The following NR3C2 variants were observed in gnomAD, a reference collection of about 807,000 sequenced individuals.
NR3C2 encodes nuclear receptor subfamily 3 group C member 2.
In NR3C2, 15 loss-of-function variants were observed where a neutral mutation model predicts 86.4. That is an observed-to-expected ratio of 0.17 (90% CI 0.12 to 0.27). The LOEUF is 0.27. Ranked by LOEUF, NR3C2 falls within the 10% of genes least tolerant of loss-of-function variation. NR3C2 has a pLI of 1.00. For synonymous variants in NR3C2, 458 were observed against 450.5 expected (o/e 1.02, Z -0.21); for missense variants, 960 against 1,195.6 (o/e 0.80, Z 2.91).
intron 6 of NR3C2, among the ~76,000 whole-genome samples, chr4:148,125,358 G>A (rs1413193343): frequency 6.6e-6 from 1 of 152,160 alleles, no homozygotes; most frequent in African/African-American, 2.4e-5. Context: ...CCAAGCCCTG[G>A]ATTTATGCAG....
intron 6 of NR3C2, among the ~76,000 whole-genome samples, chr4:148,150,449 A>C (rs1406934392): frequency 6.6e-6 from 1 of 152,238 alleles, no homozygotes; most frequent in Non-Finnish European, 1.5e-5. Context: ...TGTGAGGCGC[A>C]TCATAGCTTT....
intron 7 of NR3C2, among the ~76,000 whole-genome samples, chr4:148,118,349 G>A (rs1050907183): frequency 6.6e-6 from 1 of 152,084 alleles, no homozygotes; most frequent in Non-Finnish European, 1.5e-5. Context: ...CTCTGTGGAG[G>A]CCATGCTGTT....
intron 3 of NR3C2, among the ~76,000 whole-genome samples, chr4:148,216,990 A>T (rs1286429920): frequency 6.6e-6 from 1 of 152,264 alleles, no homozygotes; most frequent in Non-Finnish European, 1.5e-5. Flanking sequence ...GGATAAGCCA[A>T]ACGTGAACTG....
At chr4:148,361,372 T>C (rs188099027) in intron 2 of NR3C2, among the ~76,000 whole-genome samples, 136 of 152,314 alleles carry the variant, frequency 8.9e-4, no homozygotes, top group Admixed American at 1.6e-3. Flanking sequence ...TAATATAATT[T>C]AACATTCTGT....
At chr4:148,432,194 T>C (rs1749827333) in intron 2 of NR3C2, among the ~76,000 whole-genome samples, 1 of 152,178 alleles carries the variant, frequency 6.6e-6, no homozygotes, top group African/African-American at 2.4e-5. Flanking sequence ...TCACACTTAA[T>C]AGAAGACTGC....
chr4:148,172,737 G>A (rs1735192483), intron 4 of NR3C2, among the ~76,000 whole-genome samples: 1 of 152,064 alleles, frequency 6.6e-6, no homozygotes, highest in Non-Finnish European at 1.5e-5. Flanking sequence ...AAGACAAAAG[G>A]ACAATTCTGT....
At chr4:148,093,223 C>T (rs1342288746) in intron 8 of NR3C2, among the ~76,000 whole-genome samples, 2 of 152,160 alleles carry the variant, frequency 1.3e-5, no homozygotes, top group Admixed American at 6.5e-5. Context: ...ACAATGAGGC[C>T]GTGGGGCTCA....
chr4:148,167,671 G>C (rs935634044), intron 4 of NR3C2, among the ~76,000 whole-genome samples: 1 of 152,150 alleles, frequency 6.6e-6, no homozygotes. Flanking sequence ...TGAACCAAGG[G>C]AAAGAAAGAG....
chr4:148,276,147 G>A (rs1375123811), intron 2 of NR3C2, among the ~76,000 whole-genome samples: 1 of 152,128 alleles, frequency 6.6e-6, no homozygotes. Context: ...AACCTTTTAT[G>A]AGAGTCTTAA....
At chr4:148,178,194 G>C (rs552203407) in intron 4 of NR3C2, among the ~76,000 whole-genome samples, 5 of 146,798 alleles carry the variant, frequency 3.4e-5, no homozygotes, top group Admixed American at 2.0e-4. Flanking sequence ...AGCTGGGTGT[G>C]GCGGAGCACG....
At position 148,314,003 on chromosome 4, in the gene NR3C2, C is replaced by G. The variant is rs150562018; in HGVS notation, c.1758-53886G>C. Among the ~76,000 whole-genome samples, 94 of 152,166 alleles carry G rather than the reference C, an allele frequency of 6.2e-4. 2 individuals are homozygous for G. The East Asian group carries it at 0.015, about 25-fold the overall frequency. ...ATAGAAGCTGTAAATACTCTAACTT[C>G]GATTCGAAAGAGGAGGTGTATTTTA... On this transcript the variant is annotated intron_variant, in intron 2 of 8. Coordinates refer to ENST00000358102, the MANE Select transcript of NR3C2 (RefSeq NM_000901.5).
At chr4:148,121,393 C>T (rs999456926) in intron 6 of NR3C2, among the ~76,000 whole-genome samples, 3 of 152,154 alleles carry the variant, frequency 2.0e-5, no homozygotes, top group Admixed American at 6.5e-5. Context: ...TTTCCTCTCC[C>T]CCAGTAAGAT....
intron 2 of NR3C2, among the ~76,000 whole-genome samples, chr4:148,315,263 ACAGC>A (rs1307618820): frequency 2.0e-5 from 3 of 152,074 alleles, no homozygotes; most frequent in African/African-American, 7.2e-5. Flanking sequence ...ATGGCAAACC[ACAGC>A]CACTCTTGGT....
At chr4:148,318,568 CT>C (rs1743352717) in intron 2 of NR3C2, among the ~76,000 whole-genome samples, 1 of 151,974 alleles carries the variant, frequency 6.6e-6, no homozygotes, top group Non-Finnish European at 1.5e-5. Flanking sequence ...GATGGCCATT[CT>C]AACTGGTGTG....
At chr4:148,349,417 A>AT (rs1434492375) in intron 2 of NR3C2, among the ~76,000 whole-genome samples, 1 of 152,106 alleles carries the variant, frequency 6.6e-6, no homozygotes, top group Non-Finnish European at 1.5e-5. Flanking sequence ...ACAACTCATA[A>AT]TTTTGCCTGT....
upstream of NR3C2, chr4:148,444,044 T>A (rs1012041705): frequency 1.0e-6 from 1 of 985,080 alleles, no homozygotes; most frequent in African/African-American, 1.8e-5. Context: ...GTCCCAACTT[T>A]CCCGCGGGGC....
upstream of NR3C2, chr4:148,444,756 ACGCGGGCACCCGCCCGCCCCCAGC>A: frequency 1.0e-6 from 1 of 984,608 alleles, no homozygotes; most frequent in Non-Finnish European, 1.2e-6. Flanking sequence ...GCAGAGGGGG[ACGCGGGCACCCGCCCGCCCCCAGC>A]GGCGGCGGCC....
intron 2 of NR3C2, among the ~76,000 whole-genome samples, chr4:148,416,903 G>A (rs759603649): frequency 6.6e-6 from 1 of 152,134 alleles, no homozygotes; most frequent in Non-Finnish European, 1.5e-5. Flanking sequence ...AGCCTCCTGA[G>A]TAGCTGGGAT....
At chr4:148,197,681 C>T (rs548603298) in intron 3 of NR3C2, among the ~76,000 whole-genome samples, 6 of 152,066 alleles carry the variant, frequency 3.9e-5, no homozygotes, top group Admixed American at 2.0e-4. Context: ...ACTGTAACAA[C>T]CCAGGATGAT....
Sources: allele counts gnomAD v4.1 joint callset (sites outside exome capture counted in the v4.1 genomes callset), GRCh38; gene constraint gnomAD v4.1.1; transcripts MANE v1.5; gene names NCBI Gene and HGNC (gene_info 2026-07-23, HGNC 2026-07-21).